IP6K1: variants seen among roughly 807,000 people sequenced by gnomAD.
IP6K1 encodes the protein inositol hexakisphosphate kinase 1.
Under a neutral mutation model 38.3 loss-of-function variants are expected in IP6K1, and 13 were observed. The ratio of observed to expected loss-of-function variants is 0.34; its 90% CI spans 0.22 to 0.54. The LOEUF is 0.54. IP6K1 is among the 20% of genes least tolerant of loss of function. The pLI is 0.92. For synonymous variants in IP6K1, 212 were observed against 229.9 expected (o/e 0.92, Z 0.70); for missense variants, 397 against 599.8 (o/e 0.66, Z 3.53).
At chr3:49,778,184 C>T (rs1249639434) in intron 1 of IP6K1, among the ~76,000 whole-genome samples, 2 of 151,510 alleles carry the variant, frequency 1.3e-5, no homozygotes, top group Non-Finnish European at 2.9e-5. Flanking sequence ...ATTAGCCGAG[C>T]GTGCTGGCAC....
chr3:49,768,719 A>C (rs945279063), intron 1 of IP6K1, among the ~76,000 whole-genome samples: 1 of 152,126 alleles, frequency 6.6e-6, no homozygotes, highest in Non-Finnish European at 1.5e-5. Context: ...GCAGTGAGCC[A>C]AGACTGGGCC....
intron 1 of IP6K1, among the ~76,000 whole-genome samples, chr3:49,765,315 A>G (rs1459698278): frequency 6.6e-6 from 1 of 152,026 alleles, no homozygotes; most frequent in Non-Finnish European, 1.5e-5. Context: ...AAAATATAGA[A>G]CACTGGTAAG....
chr3:49,781,253 G>C (rs1228052460), intron 1 of IP6K1, among the ~76,000 whole-genome samples: 1 of 152,160 alleles, frequency 6.6e-6, no homozygotes, highest in Non-Finnish European at 1.5e-5. Flanking sequence ...AGTAGAGACA[G>C]AGTTTCACCA....
At chr3:49,778,905 A>C (rs1290008462) in intron 1 of IP6K1, among the ~76,000 whole-genome samples, 2 of 152,162 alleles carry the variant, frequency 1.3e-5, no homozygotes, top group Non-Finnish European at 2.9e-5. Flanking sequence ...GATTACGGGG[A>C]TGAGCCACCA....
At chr3:49,743,083 C>T (rs897613645) in intron 2 of IP6K1, among the ~76,000 whole-genome samples, 1 of 151,724 alleles carries the variant, frequency 6.6e-6, no homozygotes, top group Non-Finnish European at 1.5e-5. Flanking sequence ...CAAAAATTAG[C>T]CAGGAATGGT....
At chr3:49,741,163 G>A (rs1056589417) in intron 2 of IP6K1, among the ~76,000 whole-genome samples, 1 of 152,050 alleles carries the variant, frequency 6.6e-6, no homozygotes, top group African/African-American at 2.4e-5. Flanking sequence ...GTTTTCAATT[G>A]TTTTGGATAT....
chr3:49,738,161 T>C, intron 3 of IP6K1, 51 bp downstream of exon 3: 1 of 1,431,110 alleles, frequency 7.0e-7, no homozygotes, highest in Non-Finnish European at 9.8e-7. Context: ...GTCAGGACTA[T>C]GGAGACGTCT....
At chr3:49,759,240 T>C (rs1273893067) in intron 1 of IP6K1, among the ~76,000 whole-genome samples, 2 of 152,178 alleles carry the variant, frequency 1.3e-5, no homozygotes, top group African/African-American at 4.8e-5. Context: ...TTTAAATGCC[T>C]TGATGCTTAT....
intron 2 of IP6K1, among the ~76,000 whole-genome samples, chr3:49,747,284 T>A (rs1429569385): frequency 6.6e-6 from 1 of 152,228 alleles, no homozygotes; most frequent in Non-Finnish European, 1.5e-5. Flanking sequence ...AATTCTGGTA[T>A]AATTAATATT....
intron 1 of IP6K1, chr3:49,758,602 C>T (rs1301256683): frequency 1.3e-5 from 2 of 152,276 alleles, no homozygotes; most frequent in Non-Finnish European, 2.9e-5. Context: ...GAAATTATGA[C>T]TTCATGAAAG....
intron 1 of IP6K1, among the ~76,000 whole-genome samples, chr3:49,750,651 G>A (rs985987253): frequency 6.6e-6 from 1 of 151,864 alleles, no homozygotes; most frequent in Non-Finnish European, 1.5e-5. Flanking sequence ...AGTGAGCCGA[G>A]ATTGCGCCAC....
intron 3 of IP6K1, 45 bp downstream of exon 3, chr3:49,738,167 C>T (rs777252593): frequency 3.4e-6 from 5 of 1,474,304 alleles, no homozygotes; most frequent in African/African-American, 2.8e-5. Flanking sequence ...ACTATGGAGA[C>T]GTCTTGAGTG....
chr3:49,784,144 C>T (rs1455012124), intron 1 of IP6K1, among the ~76,000 whole-genome samples: 1 of 151,932 alleles, frequency 6.6e-6, no homozygotes, highest in African/African-American at 2.4e-5. Flanking sequence ...AGCCTCCATG[C>T]ACCACCACGC....
At chr3:49,783,959 AG>A (rs1359152819) in intron 1 of IP6K1, among the ~76,000 whole-genome samples, 1 of 152,088 alleles carries the variant, frequency 6.6e-6, no homozygotes, top group Non-Finnish European at 1.5e-5. Context: ...GCTTTCCTAA[AG>A]GATCTCCTGA....
At chr3:49,782,576 A>G (rs1293895868) in intron 1 of IP6K1, among the ~76,000 whole-genome samples, 1 of 152,048 alleles carries the variant, frequency 6.6e-6, no homozygotes, top group Non-Finnish European at 1.5e-5. Flanking sequence ...CCGAGGCAGG[A>G]GGATCATTTG....
chr3:49,756,801 G>A (rs1288529231), intron 1 of IP6K1, among the ~76,000 whole-genome samples: 1 of 131,170 alleles, frequency 7.6e-6, no homozygotes, highest in Non-Finnish European at 1.6e-5. Flanking sequence ...TGGGCAACAA[G>A]GGCAAAACTC....
At chr3:49,729,719 ATTTATT>A (rs1322593458) in intron 4 of IP6K1, among the ~76,000 whole-genome samples, 1 of 140,078 alleles carries the variant, frequency 7.1e-6, no homozygotes, top group Non-Finnish European at 1.6e-5. Flanking sequence ...TATTATTATT[ATTTATT>A]TTTATTTTTT....
At chr3:49,766,923 A>C (rs1325265130) in intron 1 of IP6K1, among the ~76,000 whole-genome samples, 1 of 130,960 alleles carries the variant, frequency 7.6e-6, no homozygotes, top group Non-Finnish European at 1.5e-5. Context: ...GTGCCACTGC[A>C]CTCCAGCCGG....
intron 1 of IP6K1, among the ~76,000 whole-genome samples, chr3:49,764,199 T>C (rs530129406): frequency 6.6e-6 from 1 of 150,854 alleles, no homozygotes; most frequent in Admixed American, 6.6e-5. Context: ...CTGGGCAACA[T>C]AGTGAGACCC....
Sources: gnomAD v4.1 joint callset for allele counts (sites outside exome capture counted in the v4.1 genomes callset) on GRCh38, gnomAD v4.1.1 for gene constraint, MANE v1.5 for transcripts, NCBI Gene and HGNC (gene_info 2026-07-23, HGNC 2026-07-21) for gene names.